Variants in EFCAB6 observed in about 807,000 individuals in gnomAD.
EFCAB6 encodes the protein EF-hand calcium binding domain 6.
EFCAB6 carries 156 observed loss-of-function variants against 169.8 expected under a neutral mutation model. The observed-to-expected ratio is 0.92, with a 90% CI of 0.81 to 1.05. The LOEUF is 1.05. Among genes scored for constraint, EFCAB6 ranks in the 50% least tolerant of loss-of-function variants. EFCAB6 has a pLI of 0.00. For synonymous variants in EFCAB6, 698 were observed against 676.4 expected, an observed-to-expected ratio of 1.03 and a Z score of -0.50; for missense variants, 1,800 against 1,829.1, an observed-to-expected ratio of 0.98 and a Z score of 0.29.
At chr22:43,710,424 T>A (rs945454217) in intron 10 of EFCAB6, among the ~76,000 whole-genome samples, 1 of 152,026 alleles carries the variant, frequency 6.6e-6, no homozygotes, top group African/African-American at 2.4e-5. Context: ...AAGTAATGAG[T>A]TCTTAATCAT....
At chr22:43,623,853 G>A (rs2054294957) in intron 20 of EFCAB6, among the ~76,000 whole-genome samples, 3 of 147,516 alleles carry the variant, frequency 2.0e-5, no homozygotes, top group Admixed American at 1.4e-4. Context: ...AGCTTGCAGT[G>A]AGCCGAGATT....
At chr22:43,749,126 C>A (rs938421112) in intron 6 of EFCAB6, among the ~76,000 whole-genome samples, 6 of 152,092 alleles carry the variant, frequency 3.9e-5, no homozygotes, top group African/African-American at 1.4e-4. Flanking sequence ...ACATAACTTG[C>A]TGACGGCCTG....
At chr22:43,697,451 T>C (rs1328455306) in intron 10 of EFCAB6, among the ~76,000 whole-genome samples, 2 of 152,194 alleles carry the variant, frequency 1.3e-5, no homozygotes, top group African/African-American at 2.4e-5. Context: ...TGGAAGGAAA[T>C]ATATCAAAAT....
chr22:43,705,055 G>C (rs912175834), intron 10 of EFCAB6, among the ~76,000 whole-genome samples: 11 of 152,062 alleles, frequency 7.2e-5, no homozygotes, highest in Non-Finnish European at 1.5e-4. Context: ...CATGCAAATG[G>C]AAACCAAATG....
intron 2 of EFCAB6, among the ~76,000 whole-genome samples, chr22:43,801,404 A>G (rs895273366): frequency 6.6e-6 from 1 of 152,236 alleles, no homozygotes; most frequent in Non-Finnish European, 1.5e-5. Context: ...CATGCTGGTA[A>G]AATTAAGTAC....
intron 8 of EFCAB6, among the ~76,000 whole-genome samples, chr22:43,730,388 A>AC (rs576591614): frequency 1.4e-3 from 217 of 150,416 alleles, no homozygotes; most frequent in African/African-American, 5.2e-3. Flanking sequence ...CTTTTCCACA[A>AC]TCAGACTAAG....
At chr22:43,716,441 G>A (rs945579418) in intron 9 of EFCAB6, among the ~76,000 whole-genome samples, 3 of 152,012 alleles carry the variant, frequency 2.0e-5, no homozygotes, top group African/African-American at 7.3e-5. Context: ...TGTAGAGTAA[G>A]TCCTCTATTA....
intron 10 of EFCAB6, among the ~76,000 whole-genome samples, chr22:43,702,492 G>A (rs777571162): frequency 3.9e-5 from 6 of 152,154 alleles, no homozygotes; most frequent in Non-Finnish European, 7.4e-5. Flanking sequence ...CCCCTAAGTC[G>A]ATAAAGTACC....
At position 43,743,870 on chromosome 22, in the gene EFCAB6, G is replaced by A. The variant is rs111638252; in HGVS notation, c.508-7877C>T. Reference sequence around the variant, plus strand: ...ATCAATGAATAACTGTTAAGTGGATGGATGGATGGGTGGGTGAGTGGATGG... The same window carrying A: ...ATCAATGAATAACTGTTAAGTGGATAGATGGATGGGTGGGTGAGTGGATGG... On this transcript the variant is annotated intron_variant, in intron 6 of 31. Coordinates refer to ENST00000262726, the MANE Select transcript of EFCAB6 (RefSeq NM_022785.4). 2.1e-3 allele frequency among the ~76,000 whole-genome samples: 314 copies of A among 152,098 alleles called. 1 individual carries two copies. Among genetic ancestry groups the A allele is most frequent in the African/African-American group, 6.9e-3 (286 of 41,498 alleles).
chr22:43,664,740 GGGAGGATGACCA>G (rs1344986257), intron 17 of EFCAB6, among the ~76,000 whole-genome samples: 3 of 152,192 alleles, frequency 2.0e-5, no homozygotes, highest in African/African-American at 7.2e-5. Flanking sequence ...CTTGAGCAAG[GGGAGGATGACCA>G]GAGCTGAGAT....
intron 17 of EFCAB6, among the ~76,000 whole-genome samples, chr22:43,636,993 A>T (rs1417872721): frequency 1.3e-5 from 2 of 152,160 alleles, no homozygotes; most frequent in African/African-American, 4.8e-5. Flanking sequence ...AGGAGATGAA[A>T]ATGGACAGGA....
At chr22:43,653,804 ACTTTCATGGG>A (rs2056603188) in intron 17 of EFCAB6, among the ~76,000 whole-genome samples, 1 of 152,126 alleles carries the variant, frequency 6.6e-6, no homozygotes, top group South Asian at 2.1e-4. Context: ...GGGAGGGCGC[ACTTTCATGGG>A]CTTTCATGCC....
Position 43,639,028 on chromosome 22 carries a change from G to A in EFCAB6, c.1984-3812C>T, listed in dbSNP as rs181548882. On this transcript the variant is annotated intron_variant, in intron 17 of 31. Coordinates refer to ENST00000262726, the MANE Select transcript of EFCAB6 (RefSeq NM_022785.4). ...TCGAACTCCTGACCTCAGGTGATCC[G>A]CCCACCTCGGCCTCCCAAAGTGCTG... Among the ~76,000 whole-genome samples, 408 of 151,952 alleles carry A rather than the reference G, an allele frequency of 2.7e-3. 1 individual carries two copies. The highest frequency in any genetic ancestry group is 4.1e-3 in the Admixed American group (62 of 15,244).
chr22:43,765,433 T>G (rs1372523528), intron 4 of EFCAB6, 40 bp from the exon 5 acceptor site: 3 of 1,513,208 alleles, frequency 2.0e-6, no homozygotes, highest in Non-Finnish European at 1.8e-6. Context: ...GTTAGAGAAT[T>G]AAGATCCAAG....
At chr22:43,602,441 T>C (rs2052591361) in intron 22 of EFCAB6, among the ~76,000 whole-genome samples, 1 of 152,132 alleles carries the variant, frequency 6.6e-6, no homozygotes, top group Admixed American at 6.5e-5. Flanking sequence ...CTGTTGCTGG[T>C]AATGCTAAGA....
At chr22:43,752,927 G>A (rs1319837027) in intron 6 of EFCAB6, among the ~76,000 whole-genome samples, 1 of 152,200 alleles carries the variant, frequency 6.6e-6, no homozygotes, top group African/African-American at 2.4e-5. Flanking sequence ...AAGGGTTTTA[G>A]TGGTGTTCAG....
chr22:43,725,775 G>A (rs951540169), intron 8 of EFCAB6, among the ~76,000 whole-genome samples: 5 of 152,120 alleles, frequency 3.3e-5, no homozygotes, highest in African/African-American at 1.2e-4. Flanking sequence ...CCTTAGTGTA[G>A]AGATTTAATA....
intron 6 of EFCAB6, among the ~76,000 whole-genome samples, chr22:43,738,279 C>A (rs758348393): frequency 3.3e-5 from 5 of 151,828 alleles, no homozygotes; most frequent in African/African-American, 9.7e-5. Flanking sequence ...CACATATACA[C>A]ACACACCTGC....
chr22:43,567,291 A>C (rs998113069), intron 26 of EFCAB6, among the ~76,000 whole-genome samples: 2 of 152,174 alleles, frequency 1.3e-5, no homozygotes, highest in African/African-American at 4.8e-5. Context: ...AATGCAAAGA[A>C]ATAAAAGGGA....
Sources: allele counts gnomAD v4.1 joint callset (sites outside exome capture counted in the v4.1 genomes callset), GRCh38; gene constraint gnomAD v4.1.1; transcripts MANE v1.5; gene names NCBI Gene and HGNC (gene_info 2026-07-23, HGNC 2026-07-21).